MINDY4: variants seen among roughly 807,000 people sequenced by gnomAD.
MINDY4 encodes probable ubiquitin carboxyl-terminal hydrolase MINDY-4.
Under a neutral mutation model 87.0 loss-of-function variants are expected in MINDY4, and 68 were observed. The observed-to-expected ratio is 0.78, with a 90% CI of 0.64 to 0.96. The LOEUF is 0.96. Among genes scored for constraint, MINDY4 ranks in the 40% least tolerant of loss-of-function variants. The probability of loss-of-function intolerance (pLI) is 0.00; values close to 1 mark genes in which losing one functional copy is unlikely to be tolerated. For synonymous variants in MINDY4, 379 were observed against 363.2 expected (o/e 1.04, Z -0.50); for missense variants, 919 against 928.2 (o/e 0.99, Z 0.13).
chr7:30,857,522 G>A (rs1415469593), intron 12 of MINDY4, among the ~76,000 whole-genome samples: 1 of 61,982 alleles, frequency 1.6e-5, no homozygotes, highest in Non-Finnish European at 2.5e-5. Context: ...GCCCAGGCTG[G>A]AGTGCAGTGG....
Position 30,785,732 on chromosome 7 carries a change from A to G in MINDY4, c.420-17A>G, listed in dbSNP as rs759649884. On this transcript the variant is annotated splice_polypyrimidine_tract_variant and intron_variant, in intron 3 of 17. Transcript: ENST00000265299. ...TTTTGGGGAGTCTGTTTTAATGGAA[A>G]TATTCCTTTTTCACAGACATGACAA... 5 of 1,613,772 alleles carry G rather than the reference A, an allele frequency of 3.1e-6. No individual in the cohort carries two copies. The Admixed American group carries it at 8.3e-5, about 27-fold the overall frequency.
chr7:30,846,021 C>G (rs577688414), intron 9 of MINDY4, among the ~76,000 whole-genome samples: 2 of 152,332 alleles, frequency 1.3e-5, no homozygotes, highest in South Asian at 4.1e-4. Flanking sequence ...AGGAACGGCC[C>G]TCAGAGGCGG....
chr7:30,880,592 T>C (rs1185983259), intron 15 of MINDY4, among the ~76,000 whole-genome samples: 1 of 152,206 alleles, frequency 6.6e-6, no homozygotes, highest in Non-Finnish European at 1.5e-5. Context: ...GAATGAATGC[T>C]GGGTCCCTGT....
intron 5 of MINDY4, among the ~76,000 whole-genome samples, chr7:30,818,040 G>T (rs996139556): frequency 2.0e-5 from 3 of 152,086 alleles, no homozygotes; most frequent in African/African-American, 7.2e-5. Flanking sequence ...ACTCTAGCAG[G>T]GATGCTTCCA....
intron 17 of MINDY4, among the ~76,000 whole-genome samples, chr7:30,891,395 C>T (rs559437748): frequency 1.4e-5 from 2 of 147,902 alleles, no homozygotes; most frequent in Admixed American, 1.3e-4. Flanking sequence ...ATACTCCGTG[C>T]TTCTTCAGGT....
Position 30,828,738 on chromosome 7 carries a change from G to T in MINDY4, c.1132+1G>T. 6.2e-7 allele frequency: 1 copy of T among 1,612,448 alleles called. No individual in the cohort carries two copies. The highest frequency in any genetic ancestry group is 8.5e-7 in the Non-Finnish European group (1 of 1,180,000). On this transcript the variant is annotated splice_donor_variant, in intron 6 of 17. Transcript: ENST00000265299. LOFTEE classifies it high-confidence loss of function. The stretch of plus-strand genomic sequence containing the variant: ...GGTGAGCTGGGTGCCCTGCGGCTCG[G>T]TAGGTGCAGCGGGTGCCTCTGTGCT...
At position 30,839,326 on chromosome 7, in the gene MINDY4, T is replaced by C; in HGVS notation, c.1356+10T>C. ...CATAGTGCAGAACAAGGCAGGTTGC[T>C]CCTAGGTTTCCTTGGGACCTTTCTG... On this transcript the variant is annotated intron_variant, in intron 8 of 17. Coordinates refer to ENST00000265299, the MANE Select transcript of MINDY4 (RefSeq NM_032222.3). 3 of 1,543,130 alleles carry C rather than the reference T, an allele frequency of 1.9e-6. No homozygotes were observed. The highest frequency in any genetic ancestry group is 2.6e-6 in the Non-Finnish European group (3 of 1,134,152).
At chr7:30,773,066 A>G (rs1313094471) in intron 1 of MINDY4, among the ~76,000 whole-genome samples, 1 of 152,082 alleles carries the variant, frequency 6.6e-6, no homozygotes, top group Non-Finnish European at 1.5e-5. Context: ...AGGCCCTAAG[A>G]GTAGAAAGGA....
intron 12 of MINDY4, among the ~76,000 whole-genome samples, chr7:30,856,025 C>A (rs1293323505): frequency 6.6e-6 from 1 of 152,222 alleles, no homozygotes; most frequent in African/African-American, 2.4e-5. Flanking sequence ...TCAATAGCCT[C>A]CTTGCTGTGT....
intron 15 of MINDY4, among the ~76,000 whole-genome samples, chr7:30,877,973 C>A (rs1451915862): frequency 2.6e-5 from 4 of 151,342 alleles, no homozygotes; most frequent in Non-Finnish European, 5.9e-5. Context: ...AGCCACTGCG[C>A]CTGGCCCCTT....
intron 7 of MINDY4, 30 bp from the exon 8 acceptor site, chr7:30,839,170 A>C: frequency 2.7e-6 from 4 of 1,456,544 alleles, no homozygotes; most frequent in Non-Finnish European, 2.8e-6. Flanking sequence ...CTTTTAAAAC[A>C]ACCAGTAAAA....
At chr7:30,789,728 ATTTGGTC>A (rs1272178578) in intron 4 of MINDY4, among the ~76,000 whole-genome samples, 1 of 152,158 alleles carries the variant, frequency 6.6e-6, no homozygotes, top group Non-Finnish European at 1.5e-5. Context: ...AGGCTTTACT[ATTTGGTC>A]TTGGATTATT....
intron 3 of MINDY4, among the ~76,000 whole-genome samples, chr7:30,785,412 C>T (rs530593433): frequency 2.6e-5 from 4 of 152,244 alleles, no homozygotes; most frequent in South Asian, 2.1e-4. Context: ...CTTCGCATAC[C>T]GCATGACTGT....
chr7:30,846,222 A>C (rs1789212471), intron 9 of MINDY4, among the ~76,000 whole-genome samples: 2 of 152,172 alleles, frequency 1.3e-5, no homozygotes, highest in African/African-American at 4.8e-5. Context: ...TTTGACCCTG[A>C]GAGGGAGCAG....
At chr7:30,889,046 G>T (rs538243354) in intron 17 of MINDY4, among the ~76,000 whole-genome samples, 5 of 152,132 alleles carry the variant, frequency 3.3e-5, no homozygotes, top group African/African-American at 9.7e-5. Context: ...AGAGAGGGGC[G>T]GGGTGAAGGG....
chr7:30,891,437 G>A (rs1790789984), intron 17 of MINDY4, among the ~76,000 whole-genome samples: 1 of 152,164 alleles, frequency 6.6e-6, no homozygotes, highest in African/African-American at 2.4e-5. Flanking sequence ...AAACTGTCGT[G>A]TTACTGCAGT....
intron 15 of MINDY4, among the ~76,000 whole-genome samples, chr7:30,880,401 A>G (rs908919071): frequency 1.3e-5 from 2 of 148,692 alleles, no homozygotes; most frequent in African/African-American, 2.5e-5. Flanking sequence ...ACCCACTTGG[A>G]AAGAGGCTCC....
chr7:30,801,438 T>G (rs1168412779), intron 5 of MINDY4, among the ~76,000 whole-genome samples: 3 of 152,144 alleles, frequency 2.0e-5, no homozygotes, highest in African/African-American at 7.2e-5. Context: ...TAACCTGTTC[T>G]GGGGACCTCT....
At chr7:30,870,917 C>T (rs1790083968) in intron 13 of MINDY4, among the ~76,000 whole-genome samples, 1 of 151,764 alleles carries the variant, frequency 6.6e-6, no homozygotes, top group Admixed American at 6.6e-5. Context: ...TGTGCCCCCC[C>T]AGGGCCATGT....
Sources: allele counts gnomAD v4.1 joint callset (sites outside exome capture counted in the v4.1 genomes callset), GRCh38; gene constraint gnomAD v4.1.1; transcripts MANE v1.5; gene names NCBI Gene and HGNC (gene_info 2026-07-23, HGNC 2026-07-21).